TRHDE: variants seen among roughly 807,000 people sequenced by gnomAD.
TRHDE encodes the protein thyrotropin-releasing hormone-degrading ectoenzyme.
In TRHDE, 72 loss-of-function variants were observed where a neutral mutation model predicts 125.7. The ratio of observed to expected loss-of-function variants is 0.57; its 90% CI spans 0.47 to 0.70. The LOEUF (loss-of-function observed/expected upper bound fraction) is 0.70, where lower values mean the gene tolerates loss of function less well. Among genes scored for constraint, TRHDE ranks in the 30% least tolerant of loss-of-function variants. TRHDE has a pLI of 0.00. For synonymous variants in TRHDE, 509 were observed against 509.1 expected (o/e 1.00, Z 0.00); for missense variants, 1,110 against 1,327.1 (o/e 0.84, Z 2.54).
chr12:72,588,650 G>A (rs1343480172), intron 12 of TRHDE, among the ~76,000 whole-genome samples: 1 of 152,154 alleles, frequency 6.6e-6, no homozygotes. Context: ...TACTATGAGG[G>A]AATGAGTGTG....
chr12:72,092,711 C>T (rs1451610148), intron 1 of TRHDE, among the ~76,000 whole-genome samples: 1 of 152,090 alleles, frequency 6.6e-6, no homozygotes, highest in African/African-American at 2.4e-5. Context: ...TGTGCTTTCC[C>T]ACGGAGTCTT....
chr12:72,490,906 C>T (rs1350799678), intron 5 of TRHDE, among the ~76,000 whole-genome samples: 4 of 145,552 alleles, frequency 2.7e-5, no homozygotes, highest in Non-Finnish European at 4.5e-5. Context: ...GTCTAAGATA[C>T]AATATGAGGA....
upstream of TRHDE, among the ~76,000 whole-genome samples, chr12:72,267,437 C>T (rs1282661408): frequency 6.6e-6 from 1 of 152,038 alleles, no homozygotes; most frequent in Admixed American, 6.6e-5. Context: ...CTTACATTTG[C>T]TCTTTACAGA....
intron 12 of TRHDE, among the ~76,000 whole-genome samples, chr12:72,603,902 A>G (rs186645972): frequency 2.0e-5 from 3 of 152,310 alleles, no homozygotes. Context: ...AGTTAGCTGG[A>G]AAGTAGAAAA....
intron 5 of TRHDE, among the ~76,000 whole-genome samples, chr12:72,487,301 C>T (rs909059510): frequency 1.3e-5 from 2 of 152,040 alleles, no homozygotes; most frequent in African/African-American, 4.8e-5. Flanking sequence ...AGTCGCCAAA[C>T]AGAAATAACT....
At chr12:72,304,799 A>T (rs1868315774) in intron 2 of TRHDE, among the ~76,000 whole-genome samples, 1 of 152,192 alleles carries the variant, frequency 6.6e-6, no homozygotes, top group Admixed American at 6.5e-5. Flanking sequence ...GGGATGTTTT[A>T]GGAAATTATT....
chr12:72,382,384 C>T (rs966893056), intron 3 of TRHDE, among the ~76,000 whole-genome samples: 2 of 151,700 alleles, frequency 1.3e-5, no homozygotes, highest in Non-Finnish European at 2.9e-5. Context: ...CACATGTTGG[C>T]ATTTCTAAAA....
At chr12:72,219,648 A>C (rs951106171) in intron 2 of TRHDE, among the ~76,000 whole-genome samples, 1 of 152,078 alleles carries the variant, frequency 6.6e-6, no homozygotes, top group African/African-American at 2.4e-5. Context: ...GATGTTGATG[A>C]CCATTACTAA....
intron 2 of TRHDE, among the ~76,000 whole-genome samples, chr12:72,154,588 G>A (rs2139323839): frequency 6.6e-6 from 1 of 152,256 alleles, no homozygotes; most frequent in Middle Eastern, 3.4e-3. Flanking sequence ...GGGCAGGCCT[G>A]GTGGTGACAA....
At chr12:72,632,191 A>T (rs1302451616) in intron 15 of TRHDE, among the ~76,000 whole-genome samples, 5 of 151,964 alleles carry the variant, frequency 3.3e-5, no homozygotes, top group African/African-American at 4.8e-5. Context: ...TTTCATTCTT[A>T]TAATTTATCT....
At chr12:72,279,317 T>C (rs1565682048) in intron 1 of TRHDE, among the ~76,000 whole-genome samples, 1 of 141,294 alleles carries the variant, frequency 7.1e-6, no homozygotes, top group African/African-American at 2.7e-5. Flanking sequence ...ATAAATGCTT[T>C]ACGGTCTTTA....
At chr12:72,326,094 C>G (rs1869327215) in intron 2 of TRHDE, among the ~76,000 whole-genome samples, 1 of 152,122 alleles carries the variant, frequency 6.6e-6, no homozygotes, top group South Asian at 2.1e-4. Flanking sequence ...TAACCACCAA[C>G]TGTTCCATGT....
intron 2 of TRHDE, among the ~76,000 whole-genome samples, chr12:72,201,150 G>C (rs1219579138): frequency 6.6e-6 from 1 of 152,156 alleles, no homozygotes; most frequent in African/African-American, 2.4e-5. Flanking sequence ...AATGGAAAGA[G>C]ATGCAATTGA....
intron 2 of TRHDE, among the ~76,000 whole-genome samples, chr12:72,372,471 A>G (rs1344305096): frequency 2.0e-5 from 3 of 152,292 alleles, no homozygotes; most frequent in Non-Finnish European, 2.9e-5. Flanking sequence ...GCCCATGCCT[A>G]TGTCCTGAAT....
chr12:72,378,677 T>C (rs1250262904), intron 3 of TRHDE, among the ~76,000 whole-genome samples: 1 of 152,212 alleles, frequency 6.6e-6, no homozygotes, highest in African/African-American at 2.4e-5. Context: ...TTTTGTTCAG[T>C]CATATATCTA....
chr12:72,400,354 G>C (rs1220316170), intron 3 of TRHDE, among the ~76,000 whole-genome samples: 1 of 152,108 alleles, frequency 6.6e-6, no homozygotes, highest in Non-Finnish European at 1.5e-5. Context: ...CTGTTGGTAC[G>C]AGCAATTCTT....
At chr12:72,204,682 G>T (rs1877628960) in intron 2 of TRHDE, among the ~76,000 whole-genome samples, 1 of 152,108 alleles carries the variant, frequency 6.6e-6, no homozygotes, top group Non-Finnish European at 1.5e-5. Flanking sequence ...TGTCAAATTA[G>T]AAAGGAATAA....
chr12:72,518,242 G>T (rs1017146240), intron 6 of TRHDE, among the ~76,000 whole-genome samples: 6 of 146,284 alleles, frequency 4.1e-5, no homozygotes, highest in East Asian at 2.0e-4. Flanking sequence ...GTTGACAGTG[G>T]GGTGTTAAAG....
chr12:72,647,058 G>T (rs1217777664), intron 15 of TRHDE, among the ~76,000 whole-genome samples: 1 of 151,980 alleles, frequency 6.6e-6, no homozygotes, highest in Non-Finnish European at 1.5e-5. Context: ...CTCCAAGTTG[G>T]ATTACATGTT....
Sources: gnomAD v4.1 joint callset for allele counts (sites outside exome capture counted in the v4.1 genomes callset) on GRCh38, gnomAD v4.1.1 for gene constraint, MANE v1.5 for transcripts, NCBI Gene and HGNC (gene_info 2026-07-23, HGNC 2026-07-21) for gene names.